Variants in NDUFB3 observed in about 807,000 individuals in gnomAD.
NDUFB3 encodes the protein NADH:ubiquinone oxidoreductase subunit B3, also known as NADH dehydrogenase [ubiquinone] 1 beta subcomplex subunit 3.
NDUFB3 carries 7 observed loss-of-function variants against 9.0 expected under a neutral mutation model. The observed-to-expected ratio is 0.78, with a 90% CI of 0.44 to 1.46. NDUFB3 has a LOEUF of 1.46. Ranked by LOEUF, NDUFB3 falls within the 40% of genes most tolerant of loss-of-function variation. The pLI, the probability that NDUFB3 is intolerant of heterozygous loss-of-function variation, is 0.01. For synonymous variants in NDUFB3, 29 were observed against 38.5 expected, an observed-to-expected ratio of 0.75 and a Z score of 0.91; for missense variants, 93 against 115.4, an observed-to-expected ratio of 0.81 and a Z score of 0.89.
chr2:201,077,510 A>G (rs1388564235), intron 1 of NDUFB3, among the ~76,000 whole-genome samples: 2 of 152,216 alleles, frequency 1.3e-5, no homozygotes, highest in African/African-American at 4.8e-5. Context: ...GGGATCGGCA[A>G]ACTGCAGCCT....
chr2:201,083,003 G>A lies in NDUFB3; in HGVS notation c.141-2456G>A, dbSNP rs575234921. Among the ~76,000 whole-genome samples the A allele has an allele frequency of 3.1e-3, 476 of 152,206 alleles. 1 individual carries two copies. The highest frequency in any genetic ancestry group is 8.1e-3 in the African/African-American group (337 of 41,562). On this transcript the variant is annotated intron_variant, in intron 2 of 2. Coordinates refer to ENST00000237889, the MANE Select transcript of NDUFB3 (RefSeq NM_002491.3). The stretch of plus-strand genomic sequence containing the variant: ...GCTGGGATTACAGGCGTGAGCCACC[G>A]CGCCCGGCCGCTAAATTCACTTTTT...
chr2:201,075,397 C>G (rs1195462787), intron 1 of NDUFB3, among the ~76,000 whole-genome samples: 2 of 151,628 alleles, frequency 1.3e-5, no homozygotes, highest in African/African-American at 2.4e-5. Context: ...AACCCCATCT[C>G]TACTACAAAA....
chr2:201,073,786 T>A (rs1469280947), intron 1 of NDUFB3, among the ~76,000 whole-genome samples: 3 of 151,828 alleles, frequency 2.0e-5, no homozygotes, highest in Non-Finnish European at 4.4e-5. Context: ...AAAAATTTGT[T>A]TTTTTTTAAA....
chr2:201,078,821 T>G (rs1400606417), intron 1 of NDUFB3, 60 bp from the exon 2 acceptor site: 33 of 1,461,178 alleles, frequency 2.3e-5, no homozygotes, highest in Non-Finnish European at 3.0e-5. Context: ...AACAATAAAT[T>G]TGGGTATTTG....
chr2:201,072,400 A>G (rs1033514242), intron 1 of NDUFB3: 20 of 152,354 alleles, frequency 1.3e-4, no homozygotes, highest in Admixed American at 3.3e-4. Context: ...TCTAATATTC[A>G]TATAATCACA....
At chr2:201,083,081 CA>C (rs1336131120) in intron 2 of NDUFB3, among the ~76,000 whole-genome samples, 1 of 152,182 alleles carries the variant, frequency 6.6e-6, no homozygotes, top group Non-Finnish European at 1.5e-5. Flanking sequence ...CATAAACAAT[CA>C]TTCTGTCTAC....
intron 1 of NDUFB3, among the ~76,000 whole-genome samples, chr2:201,075,522 C>T (rs60628231): frequency 0.22 from 31,750 of 144,300 alleles, 4,259 homozygotes; most frequent in African/African-American, 0.38. Flanking sequence ...GCCAAGATTG[C>T]GCCACTGTAC....
chr2:201,078,560 G>T (rs1030389548), intron 1 of NDUFB3, among the ~76,000 whole-genome samples: 4 of 152,144 alleles, frequency 2.6e-5, no homozygotes, highest in African/African-American at 7.2e-5. Context: ...AGGTATTGGA[G>T]TTAATACACA....
intron 2 of NDUFB3, among the ~76,000 whole-genome samples, chr2:201,083,351 CTTTTT>C (rs748310803): frequency 8.3e-6 from 1 of 119,980 alleles, no homozygotes; most frequent in Non-Finnish European, 1.7e-5. Flanking sequence ...TTTATTATTT[CTTTTT>C]TTTTTTTTTT....
Position 201,078,948 on chromosome 2 carries a change from G to A in NDUFB3, c.66G>A (p.Trp22Ter), listed in dbSNP as rs1242473327. The change falls in exon 2 of 3, where the codon TGG becomes TGA. Residue 22 changes from tryptophan to a stop codon, truncating the protein, a stop_gained. Transcript: ENST00000237889. LOFTEE classifies it high-confidence loss of function. ...TGGAACTTCCAGATTATAGACAATG[G>A]AAGATAGAAGGGACACCATTAGAAA... ...HKMELPDYRQ[W>*]KIEGTPLETI... The A allele has an allele frequency of 6.2e-7, 1 of 1,613,412 alleles. No homozygotes were observed. Among genetic ancestry groups the A allele is most frequent in the East Asian group, 2.2e-5 (1 of 44,870 alleles).
In NDUFB3 at chr2:201,085,503, C is replaced by T. The variant is rs2047281381; in HGVS notation, c.185C>T (p.Ser62Phe). The T allele has an allele frequency of 6.2e-7, 1 of 1,609,838 alleles. No individual in the cohort carries two copies. ...ATGGGTGGCTTTGCAAAGAGTGTTT[C>T]CTTTTCTGATGTATTCTTTAAAGGA... Reference protein sequence around the residue: ...RYMGGFAKSVSFSDVFFKGFK... With the variant: ...RYMGGFAKSVFFSDVFFKGFK... Residue 62 changes from serine (S) to phenylalanine (F), a missense_variant, in exon 3 of 3, where the codon TCC becomes TTC. By Grantham distance (155) the Ser-to-Phe change is radical (BLOSUM62 -2). Transcript: ENST00000237889.
chr2:201,076,513 A>T (rs2047164670), intron 1 of NDUFB3, among the ~76,000 whole-genome samples: 1 of 144,044 alleles, frequency 6.9e-6, no homozygotes, highest in Admixed American at 6.9e-5. Flanking sequence ...ATATATATAT[A>T]ATTAAATGTG....
chr2:201,085,357 A>C, intron 2 of NDUFB3, 102 bp from the exon 3 acceptor site: 1 of 843,382 alleles, frequency 1.2e-6, no homozygotes, highest in Non-Finnish European at 1.8e-6. Flanking sequence ...GATCTTCTGT[A>C]GGGTAGCATT....
intron 2 of NDUFB3, among the ~76,000 whole-genome samples, chr2:201,080,251 A>G (rs1359299501): frequency 6.6e-6 from 1 of 152,116 alleles, no homozygotes; most frequent in African/African-American, 2.4e-5. Flanking sequence ...TACCTTAATA[A>G]TGTTGTCAAA....
chr2:201,078,872 T>C lies in NDUFB3; in HGVS notation c.-2-9T>C. 1 of 1,600,822 alleles carries C rather than the reference T, an allele frequency of 6.2e-7. No homozygotes were observed. Among genetic ancestry groups the C allele is most frequent in the South Asian group, 1.1e-5 (1 of 87,812 alleles). The stretch of plus-strand genomic sequence containing the variant: ...ATATTTCTCACTTGTGTTAATCTTT[T>C]CCTTACAGACATGGCCCATGAACAT... On this transcript the variant is annotated splice_polypyrimidine_tract_variant and intron_variant, in intron 1 of 2. Transcript: ENST00000237889.
At chr2:201,072,680 G>A (rs1376241295) in intron 1 of NDUFB3, among the ~76,000 whole-genome samples, 8 of 151,946 alleles carry the variant, frequency 5.3e-5, no homozygotes, top group Non-Finnish European at 2.9e-5. Flanking sequence ...GCTCTGAAAC[G>A]GAAATAACCA....
intron 2 of NDUFB3, among the ~76,000 whole-genome samples, chr2:201,080,106 C>G (rs1187367281): frequency 6.6e-6 from 1 of 152,036 alleles, no homozygotes; most frequent in African/African-American, 2.4e-5. Flanking sequence ...TTTTATAGTT[C>G]TTCTTACATT....
Position 201,085,718 on chromosome 2 carries a change from G to T in NDUFB3, c.*103G>T. On this transcript the variant is annotated 3_prime_UTR_variant, in exon 3 of 3. Transcript: ENST00000237889. ...TTTATCCCTTACAGAATATTAGTAA[G>T]ATTTAATCAATTAAAATATATATAT... The T allele has an allele frequency of 2.3e-6, 2 of 872,386 alleles. No homozygotes were observed. The highest frequency in any genetic ancestry group is 2.7e-5 in the South Asian group (1 of 36,978). The allele number at this position is 872,386 out of a possible 1,614,324, so 54.0% of individuals were successfully genotyped here.
At chr2:201,076,509 ATAT>A (rs1330146879) in intron 1 of NDUFB3, among the ~76,000 whole-genome samples, 3,751 of 145,966 alleles carry the variant, frequency 0.026, 90 homozygotes, top group Middle Eastern at 0.04. Flanking sequence ...ATATATATAT[ATAT>A]AATTAAATGT....
Sources: gnomAD v4.1 joint callset for allele counts (sites outside exome capture counted in the v4.1 genomes callset) on GRCh38, gnomAD v4.1.1 for gene constraint, MANE v1.5 for transcripts, NCBI Gene and HGNC (gene_info 2026-07-23, HGNC 2026-07-21) for gene names.